Variants in HRH1 observed in about 807,000 individuals in gnomAD.
HRH1 encodes histamine receptor H1, also known as histamine H1 receptor.
HRH1 carries 6 observed loss-of-function variants against 10.3 expected under a neutral mutation model. The ratio of observed to expected loss-of-function variants is 0.58; its 90% CI spans 0.32 to 1.15. HRH1 has a LOEUF of 1.15. HRH1 is among the 50% of genes most tolerant of loss of function. The probability of loss-of-function intolerance (pLI) is 0.05; values close to 1 mark genes in which losing one functional copy is unlikely to be tolerated. For synonymous variants in HRH1, 242 were observed against 236.7 expected (o/e 1.02, Z -0.21); for missense variants, 514 against 615.3 (o/e 0.84, Z 1.74).
chr3:11,167,076 T>C (rs1245546880), intron 1 of HRH1, among the ~76,000 whole-genome samples: 8 of 144,976 alleles, frequency 5.5e-5, no homozygotes, highest in Non-Finnish European at 7.5e-5. Context: ...GCTGGTCCCC[T>C]GCATTCTCCA....
At chr3:11,242,000 TG>T (rs1939356445) in intron 1 of HRH1, among the ~76,000 whole-genome samples, 1 of 151,882 alleles carries the variant, frequency 6.6e-6, no homozygotes, top group Admixed American at 6.6e-5. Context: ...TGGGGACGAC[TG>T]AAAAAAGGGC....
At chr3:11,168,413 G>A (rs913884940) in intron 1 of HRH1, among the ~76,000 whole-genome samples, 6 of 152,180 alleles carry the variant, frequency 3.9e-5, no homozygotes, top group African/African-American at 7.2e-5. Context: ...GGACCCCACC[G>A]GAGGCCAGTG....
chr3:11,163,081 T>TC (rs767472879), intron 1 of HRH1, among the ~76,000 whole-genome samples: 5 of 152,004 alleles, frequency 3.3e-5, no homozygotes, highest in Non-Finnish European at 7.4e-5. Context: ...TGAGACAGCC[T>TC]CCCCCACTGC....
rs199510884 is a variant in HRH1, at chr3:11,259,403, C to T, written c.366C>T (p.Cys122=). 41 of 1,613,812 alleles carry T rather than the reference C, an allele frequency of 2.5e-5. No homozygotes were observed. Among genetic ancestry groups the T allele is most frequent in the Non-Finnish European group, 3.3e-5 (39 of 1,179,960 alleles). ...CCATTTTCAGTGTCTTCATCCTGTGCATTGATCGCTACCGCTCTGTCCAGC... is the reference window on the plus strand; with the variant it reads ...CCATTTTCAGTGTCTTCATCCTGTGTATTGATCGCTACCGCTCTGTCCAGC... The part of the protein sequence containing the change: ...TASIFSVFIL[C]IDRYRSVQQP... Residue 122 remains cysteine (C), a synonymous_variant, in exon 2 of 2, where the codon TGC becomes TGT. Coordinates refer to ENST00000431010, the MANE Select transcript of HRH1 (RefSeq NM_001098212.2). This position sits in a 1 kb window ranked among gnomAD's most constrained non-coding sequence, Gnocchi z 4.6.
At chr3:11,242,050 A>C (rs1939357666) in intron 1 of HRH1, among the ~76,000 whole-genome samples, 1 of 152,144 alleles carries the variant, frequency 6.6e-6, no homozygotes, top group Admixed American at 6.5e-5. Context: ...GAGGGGACAA[A>C]TACGGGAATA....
chr3:11,139,032 G>A (rs1936241063), intron 1 of HRH1, among the ~76,000 whole-genome samples: 1 of 146,870 alleles, frequency 6.8e-6, no homozygotes, highest in African/African-American at 2.5e-5. Flanking sequence ...TTGTTGCCCA[G>A]GCTAGAGTGC....
At chr3:11,232,878 G>A (rs573174575) in intron 1 of HRH1, among the ~76,000 whole-genome samples, 22 of 152,262 alleles carry the variant, frequency 1.4e-4, no homozygotes, top group African/African-American at 5.3e-4. Context: ...ATTCCTTATA[G>A]ATATTTTCAC....
intron 1 of HRH1, among the ~76,000 whole-genome samples, chr3:11,141,388 T>C: frequency 6.6e-6 from 1 of 152,184 alleles, no homozygotes; most frequent in Non-Finnish European, 1.5e-5. Context: ...AAAACAACAA[T>C]AATAATTTAT....
intron 1 of HRH1, among the ~76,000 whole-genome samples, chr3:11,178,703 C>T (rs1022610363): frequency 6.6e-6 from 1 of 152,180 alleles, no homozygotes; most frequent in Non-Finnish European, 1.5e-5. Flanking sequence ...GTGTGAGTTA[C>T]ACTTCAGGGT....
At chr3:11,181,852 C>T (rs1020914172) in intron 1 of HRH1, among the ~76,000 whole-genome samples, 1 of 152,060 alleles carries the variant, frequency 6.6e-6, no homozygotes, top group Non-Finnish European at 1.5e-5. Flanking sequence ...AGGATGGTCT[C>T]GATCTCCTGA....
intron 1 of HRH1, among the ~76,000 whole-genome samples, chr3:11,227,579 C>A (rs1284436320): frequency 6.6e-6 from 1 of 152,172 alleles, no homozygotes; most frequent in Admixed American, 6.5e-5. Flanking sequence ...AGCCACCACG[C>A]CCGGCCTTAC....
intron 1 of HRH1, among the ~76,000 whole-genome samples, chr3:11,155,166 G>C (rs992345156): frequency 6.6e-6 from 1 of 152,134 alleles, no homozygotes; most frequent in Non-Finnish European, 1.5e-5. Context: ...TGGAGTCGGG[G>C]GTGGGAACTG....
At chr3:11,250,967 T>G (rs35975472) in intron 1 of HRH1, among the ~76,000 whole-genome samples, 33,429 of 152,102 alleles carry the variant, frequency 0.22, 4,326 homozygotes, top group South Asian at 0.35. Flanking sequence ...CCCCAGTGAG[T>G]TCCTTGATGT....
chr3:11,163,450 A>G (rs1477140174), intron 1 of HRH1, among the ~76,000 whole-genome samples: 2 of 152,186 alleles, frequency 1.3e-5, no homozygotes, highest in African/African-American at 4.8e-5. Flanking sequence ...AAGGCAGGGA[A>G]CAGTGGTCAA....
chr3:11,216,860 A>G (rs932389043), intron 1 of HRH1, among the ~76,000 whole-genome samples: 2 of 151,122 alleles, frequency 1.3e-5, no homozygotes, highest in Admixed American at 6.6e-5. Flanking sequence ...AGCCTGGGTG[A>G]CAAAGCTAGA....
chr3:11,173,817 A>G (rs1223634855), intron 1 of HRH1, among the ~76,000 whole-genome samples: 2 of 152,048 alleles, frequency 1.3e-5, no homozygotes, highest in African/African-American at 4.8e-5. Context: ...TGTGTTTTGG[A>G]AACAGTTTGG....
At chr3:11,205,514 A>G (rs927883879) in intron 1 of HRH1, among the ~76,000 whole-genome samples, 10 of 152,180 alleles carry the variant, frequency 6.6e-5, no homozygotes, top group African/African-American at 2.4e-4. Context: ...CAACTGAGAA[A>G]GGCTGCCATG....
intron 1 of HRH1, among the ~76,000 whole-genome samples, chr3:11,223,517 C>T (rs1025529819): frequency 1.2e-4 from 18 of 151,688 alleles, no homozygotes; most frequent in East Asian, 3.9e-4. Context: ...AAAATGTGGA[C>T]GCTCCTTACA....
At chr3:11,214,667 G>C (rs961687285) in intron 1 of HRH1, among the ~76,000 whole-genome samples, 1 of 152,224 alleles carries the variant, frequency 6.6e-6, no homozygotes, top group South Asian at 2.1e-4. Context: ...AGTATATTCA[G>C]TCCAGGGGCC....
Sources: gnomAD v4.1 joint callset for allele counts (sites outside exome capture counted in the v4.1 genomes callset) on GRCh38, gnomAD v4.1.1 for gene constraint, Gnocchi (gnomAD v3.1) non-coding constraint, MANE v1.5 for transcripts, NCBI Gene and HGNC (gene_info 2026-07-23, HGNC 2026-07-21) for gene names.